Variants in ASPRV1 observed in about 807,000 individuals in gnomAD.
ASPRV1 encodes retroviral-like aspartic protease 1.
ASPRV1 carries 7 observed loss-of-function variants against 11.0 expected under a neutral mutation model. The ratio of observed to expected loss-of-function variants is 0.64; its 90% CI spans 0.36 to 1.20. The LOEUF is 1.20. Ranked by LOEUF, ASPRV1 falls within the 50% of genes most tolerant of loss-of-function variation. The probability of loss-of-function intolerance (pLI) is 0.02; values close to 1 mark genes in which losing one functional copy is unlikely to be tolerated. For synonymous variants in ASPRV1, 136 were observed against 138.4 expected, an observed-to-expected ratio of 0.98 and a Z score of 0.12; for missense variants, 299 against 320.0, an observed-to-expected ratio of 0.93 and a Z score of 0.50.
the ASPRV1 span, among the ~76,000 whole-genome samples, chr2:70,084,841 G>A: frequency 1.3e-5 from 2 of 152,182 alleles, no homozygotes; most frequent in Non-Finnish European, 2.9e-5. Context: ...ACCTAGTGCT[G>A]TAACTGTCAT....
chr2:70,071,802 C>G, the ASPRV1 span: 2 of 150,486 alleles, frequency 1.3e-5, no homozygotes, highest in East Asian at 4.0e-4. Flanking sequence ...GATTTCAATT[C>G]AAAACAAGAA....
the ASPRV1 span, among the ~76,000 whole-genome samples, chr2:70,054,933 A>G: frequency 4.6e-5 from 7 of 152,194 alleles, no homozygotes; most frequent in African/African-American, 1.7e-4. Flanking sequence ...ATACATACAT[A>G]CATACATATA....
At chr2:70,049,310 T>C in the ASPRV1 span, 4 of 151,596 alleles carry the variant, frequency 2.6e-5, no homozygotes, top group Non-Finnish European at 5.9e-5. Flanking sequence ...TAAGGTATTA[T>C]ACTTAGGACT....
the ASPRV1 span, among the ~76,000 whole-genome samples, chr2:70,005,121 G>A: frequency 6.6e-6 from 1 of 152,220 alleles, no homozygotes; most frequent in South Asian, 2.1e-4. Context: ...GAGTGCAGTG[G>A]CAATCGCAGC....
At chr2:69,978,558 G>A in the ASPRV1 span, among the ~76,000 whole-genome samples, 33,055 of 152,114 alleles carry the variant, frequency 0.22, 6,437 homozygotes, top group African/African-American at 0.5. Context: ...GCTACCTCCC[G>A]TTCACCCTGA....
the ASPRV1 span, chr2:69,942,206 A>G: frequency 6.6e-6 from 1 of 152,268 alleles, no homozygotes; most frequent in South Asian, 2.1e-4. Flanking sequence ...GGCTACTCCT[A>G]TTTAAAAACT....
chr2:69,937,446 A>AGAAG, the ASPRV1 span: 1 of 1,317,688 alleles, frequency 7.6e-7, no homozygotes, highest in Admixed American at 2.3e-5. Context: ...CCAACCCCAG[A>AGAAG]GCAGGGGTTC....
chr2:70,085,707 G>A, the ASPRV1 span: 1 of 152,242 alleles, frequency 6.6e-6, no homozygotes, highest in East Asian at 1.9e-4. Context: ...AGAATACGGT[G>A]AACTGCCTTG....
chr2:69,982,641 G>A, the ASPRV1 span, among the ~76,000 whole-genome samples: 1 of 152,160 alleles, frequency 6.6e-6, no homozygotes, highest in Admixed American at 6.5e-5. Flanking sequence ...ACCTGGGTGA[G>A]GACAGGAGGA....
chr2:69,974,535 C>T, the ASPRV1 span, among the ~76,000 whole-genome samples: 1 of 152,248 alleles, frequency 6.6e-6, no homozygotes, highest in East Asian at 1.9e-4. Context: ...CTGAGCACAC[C>T]TGGATCTGAA....
chr2:69,941,192 C>T, the ASPRV1 span: 12 of 152,114 alleles, frequency 7.9e-5, no homozygotes, highest in African/African-American at 2.7e-4. Flanking sequence ...ACCATCATAA[C>T]GCAAGTGGGA....
At chr2:70,038,798 G>C in the ASPRV1 span, among the ~76,000 whole-genome samples, 13 of 152,216 alleles carry the variant, frequency 8.5e-5, no homozygotes, top group Non-Finnish European at 1.5e-4. Context: ...ACCAAGGCCA[G>C]CTGGGTGGGG....
chr2:70,052,383 G>A, the ASPRV1 span, among the ~76,000 whole-genome samples: 5 of 151,968 alleles, frequency 3.3e-5, no homozygotes, highest in Non-Finnish European at 5.9e-5. Flanking sequence ...AAAAAAAGAT[G>A]GTAAAACAGT....
At chr2:70,083,794 G>A in the ASPRV1 span, 1 of 152,246 alleles carries the variant, frequency 6.6e-6, no homozygotes, top group East Asian at 1.9e-4. Context: ...ATCAGTCCCT[G>A]GACATAAGTA....
At chr2:69,996,388 T>C in the ASPRV1 span, among the ~76,000 whole-genome samples, 1 of 151,562 alleles carries the variant, frequency 6.6e-6, no homozygotes. Flanking sequence ...TAAGACCTTG[T>C]CTCAAAAAAA....
the ASPRV1 span, among the ~76,000 whole-genome samples, chr2:70,042,658 T>C: frequency 2.0e-5 from 3 of 152,316 alleles, no homozygotes; most frequent in East Asian, 1.9e-4. Flanking sequence ...AATATCCTAG[T>C]GATCAGCAGA....
chr2:70,001,874 G>A, the ASPRV1 span, among the ~76,000 whole-genome samples: 1 of 152,034 alleles, frequency 6.6e-6, no homozygotes. Context: ...GTTAAATCAT[G>A]GTAAATTCAT....
the ASPRV1 span, among the ~76,000 whole-genome samples, chr2:70,068,785 A>AT: frequency 3.5e-5 from 5 of 144,278 alleles, no homozygotes; most frequent in African/African-American, 1.5e-4. Context: ...AAAAAAAAAA[A>AT]AATAACAAAA....
the ASPRV1 span, among the ~76,000 whole-genome samples, chr2:70,047,484 C>A: frequency 1.3e-5 from 2 of 152,174 alleles, no homozygotes; most frequent in Non-Finnish European, 2.9e-5. Flanking sequence ...ACTATATAAG[C>A]TATGTGCAAG....
Sources: allele counts gnomAD v4.1 joint callset (sites outside exome capture counted in the v4.1 genomes callset), GRCh38; gene constraint gnomAD v4.1.1; transcripts MANE v1.5; gene names NCBI Gene and HGNC (gene_info 2026-07-23, HGNC 2026-07-21).